SAMD12: variants seen among roughly 807,000 people sequenced by gnomAD.
The protein encoded by SAMD12 is sterile alpha motif domain containing 12.
A neutral mutation model predicts 15.0 loss-of-function variants in SAMD12; 9 were observed. The observed-to-expected ratio is 0.60, with a 90% confidence interval of 0.36 to 1.05. SAMD12 has a LOEUF of 1.05. Ranked by LOEUF, SAMD12 falls within the 50% of genes least tolerant of loss-of-function variation. The pLI, the probability that SAMD12 is intolerant of heterozygous loss-of-function variation, is 0.01. For synonymous variants in SAMD12, 86 were observed against 90.1 expected, an observed-to-expected ratio of 0.96 and a Z score of 0.25; for missense variants, 230 against 234.2, an observed-to-expected ratio of 0.98 and a Z score of 0.12.
At chr8:118,197,911 A>T (rs982036772) in intron 4 of SAMD12, among the ~76,000 whole-genome samples, 10 of 152,000 alleles carry the variant, frequency 6.6e-5, no homozygotes, top group Non-Finnish European at 1.0e-4. Context: ...TATTCATGAA[A>T]TTTTTTTTTC....
At chr8:118,355,493 A>G (rs1318237666) in intron 4 of SAMD12, among the ~76,000 whole-genome samples, 1 of 152,220 alleles carries the variant, frequency 6.6e-6, no homozygotes, top group Non-Finnish European at 1.5e-5. Context: ...ACCAAATACC[A>G]GCTGTTCTCC....
At chr8:118,229,090 C>A (rs866135251) in intron 4 of SAMD12, among the ~76,000 whole-genome samples, 1 of 152,016 alleles carries the variant, frequency 6.6e-6, no homozygotes, top group Middle Eastern at 3.4e-3. Flanking sequence ...GCTATGAGAA[C>A]GCAAAGGCAT....
intron 4 of SAMD12, among the ~76,000 whole-genome samples, chr8:118,242,021 T>A (rs577162067): frequency 6.6e-6 from 1 of 152,210 alleles, no homozygotes; most frequent in Admixed American, 6.5e-5. Flanking sequence ...CAGGTTATCC[T>A]CCCACCTCAG....
chr8:118,326,293 C>T (rs2130477113), intron 4 of SAMD12, among the ~76,000 whole-genome samples: 1 of 152,222 alleles, frequency 6.6e-6, no homozygotes, highest in South Asian at 2.1e-4. Flanking sequence ...CCAGGATTGA[C>T]ATAAAATTAC....
At chr8:118,536,561 G>T (rs1180403580) in intron 2 of SAMD12, among the ~76,000 whole-genome samples, 1 of 151,824 alleles carries the variant, frequency 6.6e-6, no homozygotes, top group Non-Finnish European at 1.5e-5. Context: ...TTATCATGAG[G>T]CTTGCATATG....
Position 118,594,018 on chromosome 8 carries a change from C to A in SAMD12, c.14-13125G>T, listed in dbSNP as rs192510181. Among the ~76,000 whole-genome samples, 6 of 152,288 alleles carry A rather than the reference C, an allele frequency of 3.9e-5. No homozygotes were observed. The East Asian group carries it at 7.7e-4, about 20-fold the overall frequency. ...TCAGATCTTTGAATAACCTGTCCCCCACACTGATTGCTTCTATGTCACAAA... is the reference window on the plus strand; with the variant it reads ...TCAGATCTTTGAATAACCTGTCCCCAACACTGATTGCTTCTATGTCACAAA... On this transcript the variant is annotated intron_variant, in intron 1 of 3. Coordinates refer to ENST00000314727, the MANE Select transcript of SAMD12 (RefSeq NM_207506.3).
intron 2 of SAMD12, among the ~76,000 whole-genome samples, chr8:118,513,781 C>G (rs1825151088): frequency 6.6e-6 from 1 of 152,008 alleles, no homozygotes; most frequent in Non-Finnish European, 1.5e-5. Context: ...GCAGAGAGGC[C>G]AAAAGGAGGG....
At chr8:118,366,812 CAAATAAAATAAAATA>C (rs1554643154) in intron 4 of SAMD12, among the ~76,000 whole-genome samples, 12 of 78,114 alleles carry the variant, frequency 1.5e-4, no homozygotes, top group East Asian at 7.3e-4. Flanking sequence ...AACTCTGTCT[CAAATAAAATAAAATA>C]AAATAAAATA....
intron 2 of SAMD12, among the ~76,000 whole-genome samples, chr8:118,550,586 A>T (rs1240345918): frequency 3.3e-5 from 5 of 152,248 alleles, no homozygotes; most frequent in Non-Finnish European, 7.3e-5. Flanking sequence ...GCCAAAATGT[A>T]AAGACCATCA....
At chr8:118,190,277 C>T (rs971505535) in exon 5 of SAMD12, 1 of 152,026 alleles carries the variant, frequency 6.6e-6, no homozygotes, top group African/African-American at 2.4e-5. Flanking sequence ...TCTTTCTTTC[C>T]TAGAACAAAC....
the SAMD12 span, among the ~76,000 whole-genome samples, chr8:118,172,398 A>G: frequency 3.9e-5 from 6 of 152,334 alleles, no homozygotes; most frequent in East Asian, 1.2e-3. Context: ...AAAGGTTTTT[A>G]ACATATAGAA....
chr8:118,261,215 G>C (rs1332706454), intron 4 of SAMD12, among the ~76,000 whole-genome samples: 1 of 151,986 alleles, frequency 6.6e-6, no homozygotes, highest in East Asian at 1.9e-4. Context: ...CCACTTATTA[G>C]CACTGCTGTA....
At chr8:118,168,602 C>T in the SAMD12 span, among the ~76,000 whole-genome samples, 267 of 152,284 alleles carry the variant, frequency 1.8e-3, 1 homozygote, top group African/African-American at 6.1e-3. Context: ...CTCATGCAAA[C>T]AGGCCTCTGG....
At chr8:118,141,169 C>G in the SAMD12 span, among the ~76,000 whole-genome samples, 1 of 152,174 alleles carries the variant, frequency 6.6e-6, no homozygotes, top group Non-Finnish European at 1.5e-5. Flanking sequence ...ATATGAAATT[C>G]AAAGGACATT....
intron 1 of SAMD12, among the ~76,000 whole-genome samples, chr8:118,598,174 C>T (rs942794988): frequency 3.3e-5 from 5 of 152,252 alleles, no homozygotes; most frequent in East Asian, 3.9e-4. Context: ...TAGTTTCATC[C>T]GAGAATCAAA....
intron 4 of SAMD12, among the ~76,000 whole-genome samples, chr8:118,306,484 T>C (rs962705234): frequency 2.0e-5 from 3 of 152,162 alleles, no homozygotes; most frequent in African/African-American, 7.2e-5. Flanking sequence ...TCTTCCCCTC[T>C]TCTTCCTGTG....
chr8:118,584,940 CACACACACACACACAA>C (rs1293936550), intron 1 of SAMD12, among the ~76,000 whole-genome samples: 1 of 151,464 alleles, frequency 6.6e-6, no homozygotes, highest in Non-Finnish European at 1.5e-5. Context: ...CACACACACA[CACACACACACACACAA>C]ACACACACAC....
intron 4 of SAMD12, among the ~76,000 whole-genome samples, chr8:118,336,538 C>T (rs771965668): frequency 2.0e-5 from 3 of 152,124 alleles, no homozygotes; most frequent in Admixed American, 1.3e-4. Context: ...GTAGATACCC[C>T]GTAATGGGAT....
At chr8:118,432,881 C>T (rs1222819856) in intron 3 of SAMD12, among the ~76,000 whole-genome samples, 1 of 152,154 alleles carries the variant, frequency 6.6e-6, no homozygotes, top group South Asian at 2.1e-4. Context: ...CAACAACCAC[C>T]ATTACCACCA....
Sources: gnomAD v4.1 joint callset for allele counts (sites outside exome capture counted in the v4.1 genomes callset) on GRCh38, gnomAD v4.1.1 for gene constraint, MANE v1.5 for transcripts, NCBI Gene and HGNC (gene_info 2026-07-23, HGNC 2026-07-21) for gene names.